The following LMF1 variants were observed in gnomAD, a reference collection of about 807,000 sequenced individuals.
The protein encoded by LMF1 is transmembrane protein 112.
In LMF1, 68 loss-of-function variants were observed where a neutral mutation model predicts 60.6. The observed-to-expected ratio is 1.12, with a 90% CI of 0.92 to 1.37. The LOEUF (loss-of-function observed/expected upper bound fraction) is 1.37, where lower values mean the gene tolerates loss of function less well. Among genes scored for constraint, LMF1 ranks in the 40% most tolerant of loss-of-function variants. The probability of loss-of-function intolerance (pLI) is 0.00; values close to 1 mark genes in which losing one functional copy is unlikely to be tolerated. For missense variants in LMF1, 948 were observed against 767.2 expected (o/e 1.24, Z -2.78); for synonymous variants, 418 against 324.7 (o/e 1.29, Z -3.09).
At chr16:875,758 C>G (rs530795706) in intron 6 of LMF1, among the ~76,000 whole-genome samples, 1 of 152,156 alleles carries the variant, frequency 6.6e-6, no homozygotes, top group Non-Finnish European at 1.5e-5. Context: ...GAACCAGACC[C>G]GAGCCTGGCG....
At chr16:958,475 C>T (rs538772026) in intron 1 of LMF1, among the ~76,000 whole-genome samples, 2 of 152,202 alleles carry the variant, frequency 1.3e-5, no homozygotes, top group African/African-American at 2.4e-5. Context: ...GGAAGGTGTA[C>T]GGATGGCAAA....
intron 1 of LMF1, among the ~76,000 whole-genome samples, chr16:963,805 C>T (rs111984207): frequency 2.0e-5 from 3 of 152,176 alleles, no homozygotes; most frequent in African/African-American, 7.2e-5. Flanking sequence ...ATGCTTCCTG[C>T]TTATCAGGAA....
intron 5 of LMF1, among the ~76,000 whole-genome samples, chr16:886,361 C>T (rs1359812975): frequency 6.6e-6 from 1 of 152,164 alleles, no homozygotes; most frequent in East Asian, 1.9e-4. Flanking sequence ...AAGAGGACCC[C>T]AGGACAAGCG....
At chr16:857,300 C>A (rs1211893953) in intron 10 of LMF1, among the ~76,000 whole-genome samples, 1 of 152,266 alleles carries the variant, frequency 6.6e-6, no homozygotes, top group Non-Finnish European at 1.5e-5. Context: ...GAGTCCACTG[C>A]AACTTCGGGT....
At chr16:908,993 C>T (rs1018160025) in intron 4 of LMF1, among the ~76,000 whole-genome samples, 4 of 152,130 alleles carry the variant, frequency 2.6e-5, no homozygotes, top group Admixed American at 2.6e-4. Flanking sequence ...TGAGAGGGGC[C>T]CTGGTGTTGA....
intron 3 of LMF1, among the ~76,000 whole-genome samples, chr16:928,187 G>A (rs758433422): frequency 6.6e-5 from 10 of 152,176 alleles, no homozygotes; most frequent in Non-Finnish European, 1.2e-4. Context: ...CCTCGCACCC[G>A]CTACGTGGAT....
At chr16:859,229 T>C (rs1177157815) in intron 10 of LMF1, among the ~76,000 whole-genome samples, 4 of 107,884 alleles carry the variant, frequency 3.7e-5, no homozygotes, top group African/African-American at 2.1e-4. Flanking sequence ...TGTGCAGTGG[T>C]GTCACGGGAC....
In LMF1 at chr16:892,065, C is replaced by T. The variant is rs114461607; in HGVS notation, c.729+942G>A. Among the ~76,000 whole-genome samples, 442 of 152,334 alleles carry T rather than the reference C, an allele frequency of 2.9e-3. 4 individuals carry two copies. Among genetic ancestry groups the T allele is most frequent in the African/African-American group, 9.9e-3 (413 of 41,580 alleles). On this transcript the variant is annotated intron_variant, in intron 5 of 10. Transcript: ENST00000262301. ...CACAGCCACTAAATGCAGGCACAAA[C>T]GCCTGTGCCAGGCCGGCACGTGGAC...
At chr16:977,925 A>ACACGCACGCAC (rs1555484147) in intron 1 of LMF1, among the ~76,000 whole-genome samples, 1 of 140,540 alleles carries the variant, frequency 7.1e-6, no homozygotes, top group Non-Finnish European at 1.5e-5. Context: ...CACACATACC[A>ACACGCACGCAC]CACACATACA....
rs114803411 is a variant in LMF1 at position 958,882 on chromosome 16, C to T, written c.194-4216G>A. 7.2e-3 allele frequency among the ~76,000 whole-genome samples: 1,087 copies of T among 150,490 alleles called. 14 individuals are homozygous for T. Among genetic ancestry groups the T allele is most frequent in the African/African-American group, 0.025 (1,029 of 40,614 alleles). On this transcript the variant is annotated intron_variant, in intron 1 of 10. Transcript: ENST00000262301. ...AGCCTCGGCGACAGAGTAAGACTGTCTCAAAAAAAAAACCAAAAAAACAAA... is the reference window on the plus strand; with the variant it reads ...AGCCTCGGCGACAGAGTAAGACTGTTTCAAAAAAAAAACCAAAAAAACAAA...
At position 905,136 on chromosome 16, in the gene LMF1, T is replaced by C. The variant is rs516830; in HGVS notation, c.663+5795A>G. On this transcript the variant is annotated intron_variant, in intron 4 of 10. Transcript: ENST00000262301. The stretch of plus-strand genomic sequence containing the variant: ...TGCTGCGTGGTGGTGACCTCTGCAC[T>C]GCCCACAGGACGCCTGTCTCTGCTG... 491 of 134,832 alleles carry C rather than the reference T, an allele frequency of 3.6e-3. 5 individuals carry two copies. Among genetic ancestry groups the C allele is most frequent in the African/African-American group, 8.6e-3 (251 of 29,064 alleles). The allele number at this position is 134,832 out of a possible 1,614,324, so 8.4% of individuals were successfully genotyped here.
chr16:973,606 A>G (rs1230926472), upstream of LMF1, among the ~76,000 whole-genome samples: 1 of 152,206 alleles, frequency 6.6e-6, no homozygotes, highest in Non-Finnish European at 1.5e-5. Context: ...ATCTTCTGGA[A>G]CTAGGCGATG....
chr16:885,367 G>A, intron 5 of LMF1, among the ~76,000 whole-genome samples: 1 of 152,162 alleles, frequency 6.6e-6, no homozygotes, highest in East Asian at 1.9e-4. Flanking sequence ...CAAATCGCAA[G>A]ACAACAGGCT....
At chr16:894,123 A>G (rs374879907) in intron 4 of LMF1, among the ~76,000 whole-genome samples, 2,303 of 5,986 alleles carry the variant, frequency 0.38, 461 homozygotes, top group African/African-American at 0.54. Context: ...TGTCCACCGG[A>G]CCGTCTGCCC....
At chr16:914,263 G>A (rs78572250) in intron 3 of LMF1, among the ~76,000 whole-genome samples, 1,588 of 152,188 alleles carry the variant, frequency 0.01, 27 homozygotes, top group African/African-American at 0.036. Flanking sequence ...GTTGAAGGGG[G>A]ACTGCAGGTT....
chr16:898,485 G>A (rs899033076), intron 4 of LMF1, among the ~76,000 whole-genome samples: 7 of 152,220 alleles, frequency 4.6e-5, no homozygotes, highest in South Asian at 2.1e-4. Flanking sequence ...TCCTTCCCCC[G>A]GCTCTGGGTG....
At chr16:877,935 C>T (rs578250270) in intron 6 of LMF1, among the ~76,000 whole-genome samples, 1 of 152,252 alleles carries the variant, frequency 6.6e-6, no homozygotes, top group South Asian at 2.1e-4. Context: ...TTTACAACAT[C>T]AACAAAAAGA....
At position 854,236 on chromosome 16, in the gene LMF1, C is replaced by T. The variant is rs114890365; in HGVS notation, c.*296G>A. 2,492 of 612,978 alleles carry T rather than the reference C, an allele frequency of 4.1e-3. 44 individuals carry two copies. Among genetic ancestry groups the T allele is most frequent in the African/African-American group, 0.04 (2,195 of 55,546 alleles). 38.0% of individuals were successfully genotyped at this position (612,978 alleles called of 1,614,324 possible). On this transcript the variant is annotated 3_prime_UTR_variant, in exon 11 of 11. Coordinates refer to ENST00000262301, the MANE Select transcript of LMF1 (RefSeq NM_022773.4). Reference sequence around the variant, plus strand: ...TGGCCATTGTCTCAACTCCTGTGGGCGGCACAGCCCCAGGCTGGGCCTCTG... The same window carrying T: ...TGGCCATTGTCTCAACTCCTGTGGGTGGCACAGCCCCAGGCTGGGCCTCTG...
At chr16:971,038 T>C (rs1446879326), upstream of LMF1, 4 of 784,370 alleles carry the variant, frequency 5.1e-6, no homozygotes, top group Non-Finnish European at 6.7e-6. Context: ...CCGCCCATTC[T>C]CGGAGGCCCC....
Sources: allele counts gnomAD v4.1 joint callset (sites outside exome capture counted in the v4.1 genomes callset), GRCh38; gene constraint gnomAD v4.1.1; transcripts MANE v1.5; gene names NCBI Gene and HGNC (gene_info 2026-07-23, HGNC 2026-07-21).